The following PICALM variants were observed in gnomAD, a reference collection of about 807,000 sequenced individuals.
The protein encoded by PICALM is phosphatidylinositol binding clathrin assembly protein.
Under a neutral mutation model 80.5 loss-of-function variants are expected in PICALM, and 40 were observed. The ratio of observed to expected loss-of-function variants is 0.50; its 90% confidence interval spans 0.39 to 0.65. PICALM has a LOEUF of 0.65. Ranked by LOEUF, PICALM falls within the 30% of genes least tolerant of loss-of-function variation. PICALM has a pLI of 0.00. For missense variants in PICALM, 676 were observed against 778.9 expected (o/e 0.87, Z 1.57); for synonymous variants, 288 against 260.3 (o/e 1.11, Z -1.02).
chr11:85,972,734 C>T (rs2094149199), intron 19 of PICALM, among the ~76,000 whole-genome samples: 1 of 152,114 alleles, frequency 6.6e-6, no homozygotes, highest in Admixed American at 6.5e-5. Context: ...GTTTCTATCA[C>T]TTAGTCTCTT....
At chr11:86,013,973 A>G (rs1044999904) in intron 5 of PICALM, among the ~76,000 whole-genome samples, 2 of 152,198 alleles carry the variant, frequency 1.3e-5, no homozygotes, top group Admixed American at 6.5e-5. Context: ...CTGTTACAAA[A>G]TACCATTTAA....
At chr11:86,039,772 G>T (rs1042664420) in intron 1 of PICALM, among the ~76,000 whole-genome samples, 1 of 152,040 alleles carries the variant, frequency 6.6e-6, no homozygotes, top group African/African-American at 2.4e-5. Flanking sequence ...GGGAGGCCGA[G>T]GCGGGCAGAT....
intron 19 of PICALM, chr11:85,969,648 T>C (rs2094032237): frequency 2.4e-6 from 1 of 418,832 alleles, no homozygotes; most frequent in South Asian, 1.8e-5. Flanking sequence ...CTTTAAAGCA[T>C]GAGAAAAACC....
At position 86,022,585 on chromosome 11, in the gene PICALM, CTT is replaced by C. The variant is rs1249407230; in HGVS notation, c.350-118_350-117del. On this transcript the variant is annotated intron_variant, in intron 3 of 19. Coordinates refer to ENST00000393346, the MANE Select transcript of PICALM (RefSeq NM_007166.4). ...ATTGCATCCAATGGCTATAAAATGT[CTT>C]GATATCCCAATTCAATTTAGTATGT... 1.5e-5 allele frequency: 8 copies of C among 537,700 alleles called. No individual in the cohort carries two copies. In the East Asian group the frequency reaches 2.5e-4, roughly 17 times the overall value. 33.3% of individuals were successfully genotyped at this position (537,700 alleles called of 1,614,324 possible).
intron 19 of PICALM, among the ~76,000 whole-genome samples, chr11:85,973,862 G>C (rs2094188350): frequency 6.6e-6 from 1 of 150,826 alleles, no homozygotes; most frequent in African/African-American, 2.5e-5. Flanking sequence ...AAGAAAAGGA[G>C]GGGTGTTCTA....
chr11:86,008,075 T>G (rs764553355), intron 7 of PICALM, among the ~76,000 whole-genome samples: 1 of 152,178 alleles, frequency 6.6e-6, no homozygotes, highest in Non-Finnish European at 1.5e-5. Context: ...CTCTGTCAGG[T>G]AGGCCAGGTT....
chr11:86,033,299 T>G (rs1238320899), intron 1 of PICALM, among the ~76,000 whole-genome samples: 2 of 152,214 alleles, frequency 1.3e-5, no homozygotes, highest in African/African-American at 4.8e-5. Flanking sequence ...TACTGTACTA[T>G]GTATGTTATA....
chr11:86,061,330 C>CAAAAAAAAAAA lies in PICALM; in HGVS notation c.130+7310_130+7320dup, dbSNP rs58836221. ...CGGGAGACAGAGCAAGACTCCATCT[C>CAAAAAAAAAAA]AAAAAAAAAAAAAAAAAAAAAAAAA... is the stretch of plus-strand genomic sequence containing the variant. On this transcript the variant is annotated intron_variant, in intron 1 of 19. Transcript: ENST00000393346. 1.1e-3 allele frequency among the ~76,000 whole-genome samples: 89 copies of CAAAAAAAAAAA among 81,136 alleles called. 1 individual carries two copies. The highest frequency in any genetic ancestry group is 1.9e-3 in the East Asian group (6 of 3,138). The allele number at this position is 81,136 out of a possible 152,430, so 53.2% of individuals were successfully genotyped here. A position where few individuals can be genotyped will look rare whatever the true frequency, so the allele number is the denominator to read the frequency against.
At chr11:86,062,119 G>C (rs1015854219) in intron 1 of PICALM, among the ~76,000 whole-genome samples, 7 of 152,206 alleles carry the variant, frequency 4.6e-5, no homozygotes, top group African/African-American at 1.7e-4. Flanking sequence ...AGAAGGGATG[G>C]CGAGGGGGAG....
chr11:86,006,687 A>G (rs1364829119), intron 8 of PICALM, among the ~76,000 whole-genome samples: 1 of 152,200 alleles, frequency 6.6e-6, no homozygotes, highest in Non-Finnish European at 1.5e-5. Flanking sequence ...GGAATAATTC[A>G]AAACAAGGTA....
intron 13 of PICALM, 30 bp downstream of exon 13, chr11:85,990,200 GTTAGGCAGTATAAACATTGA>G (rs1237416833): frequency 5.7e-6 from 6 of 1,055,246 alleles, no homozygotes; most frequent in Non-Finnish European, 8.3e-6. Context: ...GTAAAATATA[GTTAGGCAGTATAAACATTGA>G]TTGGAAAAAA....
chr11:86,041,604 T>C (rs1385405802), intron 1 of PICALM, among the ~76,000 whole-genome samples: 1 of 152,172 alleles, frequency 6.6e-6, no homozygotes, highest in Non-Finnish European at 1.5e-5. Flanking sequence ...TATATATTAA[T>C]ATATGTCTGA....
chr11:85,998,215 C>T (rs2095038301), intron 11 of PICALM, among the ~76,000 whole-genome samples: 1 of 152,050 alleles, frequency 6.6e-6, no homozygotes, highest in Non-Finnish European at 1.5e-5. Context: ...GGGTTCATGC[C>T]ATTCTTCTAC....
chr11:85,975,656 G>C (rs1473470350), intron 18 of PICALM, among the ~76,000 whole-genome samples: 1 of 141,376 alleles, frequency 7.1e-6, no homozygotes, highest in Admixed American at 7.4e-5. Context: ...GAGTGCAGTG[G>C]CATGATCTCA....
At chr11:86,056,671 A>C (rs919528037) in intron 1 of PICALM, among the ~76,000 whole-genome samples, 5 of 152,142 alleles carry the variant, frequency 3.3e-5, no homozygotes, top group African/African-American at 1.2e-4. Context: ...TTACTCCTAG[A>C]TATATACCTA....
chr11:85,977,275 T>G (rs1352078470), intron 17 of PICALM, among the ~76,000 whole-genome samples: 1 of 152,340 alleles, frequency 6.6e-6, no homozygotes, highest in East Asian at 1.9e-4. Context: ...GCTTTCTAAT[T>G]TATTCCAAAA....
intron 5 of PICALM, among the ~76,000 whole-genome samples, chr11:86,012,708 A>G (rs2095419205): frequency 6.6e-6 from 1 of 152,188 alleles, no homozygotes; most frequent in Non-Finnish European, 1.5e-5. Context: ...GTTCTTTTTT[A>G]GCACATGAAA....
chr11:86,000,022 C>A (rs1299151436), intron 11 of PICALM, among the ~76,000 whole-genome samples: 1 of 152,176 alleles, frequency 6.6e-6, no homozygotes, highest in South Asian at 2.1e-4. Flanking sequence ...ACTAACAGAG[C>A]CAGGATTCAA....
At chr11:86,028,721 G>C (rs980320772) in intron 2 of PICALM, among the ~76,000 whole-genome samples, 6 of 152,044 alleles carry the variant, frequency 3.9e-5, no homozygotes, top group Non-Finnish European at 5.9e-5. Flanking sequence ...TGCTCACTCA[G>C]CCTTACCTTT....
Sources: gnomAD v4.1 joint callset for allele counts (sites outside exome capture counted in the v4.1 genomes callset) on GRCh38, gnomAD v4.1.1 for gene constraint, MANE v1.5 for transcripts, NCBI Gene and HGNC (gene_info 2026-07-23, HGNC 2026-07-21) for gene names.